SIL1: variants seen among roughly 807,000 people sequenced by gnomAD.
SIL1 encodes nucleotide exchange factor SIL1.
Under a neutral mutation model 49.1 loss-of-function variants are expected in SIL1, and 40 were observed. The ratio of observed to expected loss-of-function variants is 0.81; its 90% CI spans 0.63 to 1.06. The LOEUF is 1.06. Among genes scored for constraint, SIL1 ranks in the 50% least tolerant of loss-of-function variants. SIL1 has a pLI of 0.00. For synonymous variants in SIL1, 253 were observed against 250.8 expected (o/e 1.01, Z -0.08); for missense variants, 500 against 572.6 (o/e 0.87, Z 1.29).
intron 3 of SIL1, among the ~76,000 whole-genome samples, chr5:139,061,786 G>T (rs1036044407): frequency 3.3e-5 from 5 of 152,184 alleles, no homozygotes; most frequent in African/African-American, 1.2e-4. Context: ...GGTGTTAAGA[G>T]TAAAAACTCC....
intron 7 of SIL1, among the ~76,000 whole-genome samples, chr5:138,979,192 G>A (rs1002240834): frequency 2.2e-4 from 33 of 152,062 alleles, no homozygotes; most frequent in African/African-American, 7.2e-4. Context: ...AGCCTCTCAA[G>A]TAGCTGGGAT....
At chr5:139,117,018 G>C (rs1771005034) in intron 3 of SIL1, among the ~76,000 whole-genome samples, 1 of 152,230 alleles carries the variant, frequency 6.6e-6, no homozygotes, top group Non-Finnish European at 1.5e-5. Context: ...TGGAGATTCA[G>C]CATCATAAAA....
chr5:138,948,915 T>C lies in SIL1; in HGVS notation c.1030-1442A>G, dbSNP rs1216936400. ...TCTTGCCCTCTCACCTTCCACAATG[T>C]TGTCATGCAACACAAAGGCTCCCGC... On this transcript the variant is annotated intron_variant, in intron 9 of 9. Coordinates refer to ENST00000394817, the MANE Select transcript of SIL1 (RefSeq NM_022464.5). The surrounding 1 kb of genome is among the most constrained non-coding windows in gnomAD (Gnocchi z 4.8). 2.0e-5 allele frequency among the ~76,000 whole-genome samples: 3 copies of C among 152,196 alleles called. No individual in the cohort carries two copies. The highest frequency in any genetic ancestry group is 7.2e-5 in the African/African-American group (3 of 41,456).
intron 3 of SIL1, among the ~76,000 whole-genome samples, chr5:139,094,723 AACATTG>A (rs1173626007): frequency 6.6e-6 from 1 of 152,220 alleles, no homozygotes; most frequent in Non-Finnish European, 1.5e-5. Context: ...CTAAGAAACC[AACATTG>A]GTATATTAGT....
intron 3 of SIL1, among the ~76,000 whole-genome samples, chr5:139,102,655 C>T (rs186605054): frequency 2.0e-5 from 3 of 152,058 alleles, no homozygotes; most frequent in Non-Finnish European, 4.4e-5. Flanking sequence ...CTTCCCCTCC[C>T]ATAGCACCCA....
intron 3 of SIL1, among the ~76,000 whole-genome samples, chr5:139,081,794 G>A (rs1327406856): frequency 5.3e-5 from 8 of 151,930 alleles, no homozygotes; most frequent in South Asian, 2.1e-4. Flanking sequence ...CAGGAGAATC[G>A]CTTGAACCCA....
At chr5:139,102,893 T>C (rs1427053194) in intron 3 of SIL1, among the ~76,000 whole-genome samples, 1 of 152,022 alleles carries the variant, frequency 6.6e-6, no homozygotes, top group Non-Finnish European at 1.5e-5. Context: ...TTTGTATTTT[T>C]AGTAGAGATG....
At chr5:138,959,938 C>T (rs896198810) in intron 7 of SIL1, among the ~76,000 whole-genome samples, 6 of 152,208 alleles carry the variant, frequency 3.9e-5, no homozygotes, top group African/African-American at 1.4e-4. Context: ...CCAGGGGGTC[C>T]CCAACATGGC....
intron 1 of SIL1, among the ~76,000 whole-genome samples, chr5:139,157,280 A>G (rs1751425191): frequency 6.6e-6 from 1 of 152,188 alleles, no homozygotes. Flanking sequence ...TGTTTTTCCA[A>G]TCACTGAGAA....
At chr5:139,116,476 C>T (rs1192708733) in intron 3 of SIL1, among the ~76,000 whole-genome samples, 4 of 152,208 alleles carry the variant, frequency 2.6e-5, no homozygotes, top group African/African-American at 7.2e-5. Flanking sequence ...TGGCTGGCTA[C>T]GCTTCCCTGA....
At chr5:139,097,057 TC>T (rs1411702639) in intron 3 of SIL1, among the ~76,000 whole-genome samples, 2 of 152,000 alleles carry the variant, frequency 1.3e-5, no homozygotes, top group Non-Finnish European at 2.9e-5. Context: ...CTGGCAGTAC[TC>T]CCCATGGGCC....
intron 7 of SIL1, chr5:139,013,493 G>C (rs374092445): frequency 6.6e-6 from 1 of 152,164 alleles, no homozygotes; most frequent in Non-Finnish European, 1.5e-5. Flanking sequence ...AATGTTCCCA[G>C]GTCAGCTGTC....
chr5:139,163,241 T>C (rs902161100), intron 1 of SIL1, among the ~76,000 whole-genome samples: 2 of 152,126 alleles, frequency 1.3e-5, no homozygotes, highest in African/African-American at 4.8e-5. Flanking sequence ...ACGTGCTCCT[T>C]AAGAAATTGA....
intron 6 of SIL1, among the ~76,000 whole-genome samples, chr5:139,024,409 T>A (rs1768599336): frequency 6.6e-6 from 1 of 152,164 alleles, no homozygotes; most frequent in Admixed American, 6.5e-5. Flanking sequence ...GAAAGAGTTA[T>A]GAGCAGAGAA....
At chr5:139,015,770 C>A (rs1768384655) in intron 7 of SIL1, among the ~76,000 whole-genome samples, 2 of 152,210 alleles carry the variant, frequency 1.3e-5, no homozygotes, top group African/African-American at 4.8e-5. Flanking sequence ...TTGGTCAGAA[C>A]TGGGCCACAT....
intron 1 of SIL1, among the ~76,000 whole-genome samples, chr5:139,147,447 A>T (rs1751215347): frequency 6.6e-6 from 1 of 152,196 alleles, no homozygotes; most frequent in South Asian, 2.1e-4. Flanking sequence ...ATGTGGCTTC[A>T]AACTCAGTGT....
chr5:139,007,845 C>A (rs1464779758), intron 7 of SIL1, among the ~76,000 whole-genome samples: 1 of 144,990 alleles, frequency 6.9e-6, no homozygotes, highest in Non-Finnish European at 1.5e-5. Flanking sequence ...TTTTGATGTG[C>A]TGCTGGATTC....
intron 7 of SIL1, among the ~76,000 whole-genome samples, chr5:138,954,305 A>G (rs888151260): frequency 1.1e-4 from 17 of 152,266 alleles, no homozygotes; most frequent in Non-Finnish European, 1.6e-4. Flanking sequence ...ACCCACAGCC[A>G]AGTCTGTGGG....
chr5:139,141,098 G>A (rs934131618), intron 1 of SIL1, among the ~76,000 whole-genome samples: 1 of 152,170 alleles, frequency 6.6e-6, no homozygotes, highest in African/African-American at 2.4e-5. Flanking sequence ...CTCCAGGGCT[G>A]TTTTAGGTGT....
Sources: allele counts gnomAD v4.1 joint callset (sites outside exome capture counted in the v4.1 genomes callset), GRCh38; gene constraint gnomAD v4.1.1; non-coding constraint Gnocchi (gnomAD v3.1); transcripts MANE v1.5; gene names NCBI Gene and HGNC (gene_info 2026-07-23, HGNC 2026-07-21).